TAPT1: variants seen among roughly 807,000 people sequenced by gnomAD.
TAPT1 encodes the protein transmembrane anterior posterior transformation protein 1 homolog.
In TAPT1, 28 loss-of-function variants were observed where a neutral mutation model predicts 65.6. That is an observed-to-expected ratio of 0.43 (90% confidence interval 0.32 to 0.59). The LOEUF (loss-of-function observed/expected upper bound fraction) is 0.59. Ranked by LOEUF, TAPT1 falls within the 20% of genes least tolerant of loss-of-function variation. TAPT1 has a pLI of 0.09. For synonymous variants in TAPT1, 278 were observed against 245.2 expected (o/e 1.13, Z -1.25); for missense variants, 563 against 679.9 (o/e 0.83, Z 1.91).
chr4:16,163,643 G>T, intron 13 of TAPT1, 106 bp from the exon 14 acceptor site: 1 of 820,270 alleles, frequency 1.2e-6, no homozygotes, highest in Non-Finnish European at 1.9e-6. Context: ...CATTATCCAT[G>T]CTTTCCGATA....
intron 2 of TAPT1, among the ~76,000 whole-genome samples, chr4:16,203,358 G>A (rs1260162980): frequency 6.6e-6 from 1 of 152,168 alleles, no homozygotes; most frequent in African/African-American, 2.4e-5. Context: ...TGCCTCCACA[G>A]ATTAAAATTC....
At chr4:16,217,631 A>G (rs776153541) in intron 1 of TAPT1, among the ~76,000 whole-genome samples, 5 of 152,370 alleles carry the variant, frequency 3.3e-5, no homozygotes, top group Admixed American at 6.5e-5. Flanking sequence ...TGAAAACAAA[A>G]CTGGAATTAA....
Position 16,179,568 on chromosome 4 carries a change from G to T in TAPT1, c.997+9C>A. 1.3e-6 allele frequency: 2 copies of T among 1,499,486 alleles called. No homozygotes were observed. The highest frequency in any genetic ancestry group is 1.8e-6 in the Non-Finnish European group (2 of 1,116,724). The allele number at this position is 1,499,486 out of a possible 1,614,324, so 92.9% of individuals were successfully genotyped here. ...ATTATAAGACACTGTTTTGTTAAGA[G>T]TGAGTTACCTGGATTCCAAGAAAAC... On this transcript the variant is annotated intron_variant, in intron 8 of 13. Coordinates refer to ENST00000405303, the MANE Select transcript of TAPT1 (RefSeq NM_153365.3).
intron 3 of TAPT1, among the ~76,000 whole-genome samples, chr4:16,201,574 G>A (rs933013720): frequency 1.9e-4 from 29 of 152,054 alleles, no homozygotes; most frequent in Admixed American, 1.8e-3. Flanking sequence ...GAGACACACC[G>A]GCATAATTGT....
intron 5 of TAPT1, 127 bp downstream of exon 5, chr4:16,188,093 T>G (rs1204521306): frequency 1.3e-6 from 1 of 786,788 alleles, no homozygotes; most frequent in Non-Finnish European, 1.9e-6. Flanking sequence ...AACACAAATA[T>G]TTCACATTAA....
intron 1 of TAPT1, among the ~76,000 whole-genome samples, chr4:16,218,174 T>C (rs1038499419): frequency 2.6e-5 from 4 of 152,254 alleles, no homozygotes; most frequent in Admixed American, 2.0e-4. Flanking sequence ...GAGGCCAAGG[T>C]GGGAGGATCA....
At position 16,191,365 on chromosome 4, in the gene TAPT1, A is replaced by C; in HGVS notation, c.608T>G (p.Leu203Arg). Residue 203 changes from leucine to arginine, a missense_variant, in exon 4 of 14, where the codon CTG (leucine) becomes CGG (arginine). Coordinates refer to ENST00000405303, the MANE Select transcript of TAPT1 (RefSeq NM_153365.3). Reference sequence around the variant, plus strand: ...CGGGGTAAGCAAGGCCCTTACCTCCAGCATGTTGTAGATGATGTAGAGCTT... The same window carrying C: ...CGGGGTAAGCAAGGCCCTTACCTCCCGCATGTTGTAGATGATGTAGAGCTT... ...VIKLYIIYNM[L>R]EVADRLFSSF... is the part of the protein sequence containing the mutation. 1 of 1,599,584 alleles carries C rather than the reference A, an allele frequency of 6.3e-7. No homozygotes were observed. Among genetic ancestry groups the C allele is most frequent in the Non-Finnish European group, 8.5e-7 (1 of 1,173,032 alleles).
chr4:16,169,340 A>C (rs771484617), intron 12 of TAPT1, among the ~76,000 whole-genome samples: 1 of 152,256 alleles, frequency 6.6e-6, no homozygotes, highest in Non-Finnish European at 1.5e-5. Flanking sequence ...TCATTTCCTG[A>C]TTATTATGTA....
chr4:16,186,904 T>TA, intron 5 of TAPT1, 26 bp from the exon 6 acceptor site: 1 of 1,405,366 alleles, frequency 7.1e-7, no homozygotes, highest in Non-Finnish European at 1.0e-6. Context: ...GGAAAAAACT[T>TA]AAATTTGCTT....
chr4:16,180,615 G>A (rs1275905987), intron 7 of TAPT1, among the ~76,000 whole-genome samples: 1 of 152,068 alleles, frequency 6.6e-6, no homozygotes, highest in Non-Finnish European at 1.5e-5. Context: ...GTACTTCATG[G>A]GACTGTCTTT....
intron 9 of TAPT1, chr4:16,174,962 G>A: frequency 2.9e-6 from 1 of 339,866 alleles, no homozygotes; most frequent in South Asian, 8.6e-5. Context: ...TTCTTTAAAG[G>A]GGAATAAATA....
intron 12 of TAPT1, among the ~76,000 whole-genome samples, chr4:16,170,033 A>T (rs950188833): frequency 6.6e-6 from 1 of 152,194 alleles, no homozygotes; most frequent in South Asian, 2.1e-4. Context: ...AAGTTAATTG[A>T]CTGCCAGGTC....
chr4:16,213,331 T>C (rs1373109), intron 2 of TAPT1, among the ~76,000 whole-genome samples: 26,825 of 152,160 alleles, frequency 0.18, 4,779 homozygotes, highest in African/African-American at 0.46. Flanking sequence ...TCTTTTTCTT[T>C]GAAGAGACTG....
intron 2 of TAPT1, among the ~76,000 whole-genome samples, chr4:16,209,692 C>A (rs926515751): frequency 5.9e-5 from 9 of 152,236 alleles, no homozygotes; most frequent in African/African-American, 2.2e-4. Context: ...AAGGAGAGAT[C>A]TGTCTGGAAG....
At chr4:16,223,115 A>G (rs1443370) in intron 1 of TAPT1, among the ~76,000 whole-genome samples, 8,055 of 152,252 alleles carry the variant, frequency 0.053, 236 homozygotes, top group Middle Eastern at 0.14. Flanking sequence ...TGGCATTATG[A>G]AACAGAACCA....
intron 1 of TAPT1, among the ~76,000 whole-genome samples, chr4:16,224,744 G>A (rs1427771290): frequency 6.6e-6 from 1 of 152,180 alleles, no homozygotes; most frequent in Non-Finnish European, 1.5e-5. Context: ...GTGGTATAAT[G>A]AAGTCCATGG....
chr4:16,184,330 G>A (rs1309227724), intron 7 of TAPT1, among the ~76,000 whole-genome samples: 1 of 152,134 alleles, frequency 6.6e-6, no homozygotes, highest in African/African-American at 2.4e-5. Flanking sequence ...CTACATAGCT[G>A]ACAATATTAG....
chr4:16,163,274 G>C lies in TAPT1; in HGVS notation c.*34C>G, dbSNP rs1056435664. The C allele has an allele frequency of 2.6e-6, 4 of 1,530,484 alleles. No homozygotes were observed. Among genetic ancestry groups the C allele is most frequent in the Non-Finnish European group, 3.6e-6 (4 of 1,103,952 alleles). 94.8% of individuals were successfully genotyped at this position (1,530,484 alleles called of 1,614,324 possible). On this transcript the variant is annotated 3_prime_UTR_variant, in exon 14 of 14. Transcript: ENST00000405303. ...TGGCAACACAGCACTTGTTGCCCCA[G>C]GACCCAGCTTCTTCAGCGCATGAAG...
At chr4:16,211,599 C>G (rs1348072872) in intron 2 of TAPT1, among the ~76,000 whole-genome samples, 1 of 152,110 alleles carries the variant, frequency 6.6e-6, no homozygotes, top group Non-Finnish European at 1.5e-5. Flanking sequence ...CCAAACAGGC[C>G]TAAAGCCTCT....
Sources: gnomAD v4.1 joint callset for allele counts (sites outside exome capture counted in the v4.1 genomes callset) on GRCh38, gnomAD v4.1.1 for gene constraint, MANE v1.5 for transcripts, NCBI Gene and HGNC (gene_info 2026-07-23, HGNC 2026-07-21) for gene names.